Variants in LIPC observed in about 807,000 individuals in gnomAD.
LIPC encodes lipase C, hepatic type.
LIPC carries 44 observed loss-of-function variants against 50.7 expected under a neutral mutation model. That is an observed-to-expected ratio of 0.87 (90% CI 0.68 to 1.11). The LOEUF is 1.11. Among genes scored for constraint, LIPC ranks in the 50% most tolerant of loss-of-function variants. LIPC has a pLI of 0.00. For synonymous variants in LIPC, 271 were observed against 256.4 expected (o/e 1.06, Z -0.54); for missense variants, 697 against 648.2 (o/e 1.08, Z -0.82).
chr15:58,538,146 C>G (rs1476563883), intron 1 of LIPC, among the ~76,000 whole-genome samples, 187 bp from the exon 2 acceptor site: 1 of 152,164 alleles, frequency 6.6e-6, no homozygotes, highest in African/African-American at 2.4e-5. Flanking sequence ...CCTAGGCCAC[C>G]CTCCATCACT....
intron 1 of LIPC, among the ~76,000 whole-genome samples, chr15:58,453,611 G>T (rs866081001): frequency 6.6e-6 from 1 of 152,030 alleles, no homozygotes; most frequent in African/African-American, 2.4e-5. Flanking sequence ...ACAGAGTGTG[G>T]GTTCCGTACA....
chr15:58,458,330 T>C (rs1894211578), intron 1 of LIPC, among the ~76,000 whole-genome samples: 1 of 152,224 alleles, frequency 6.6e-6, no homozygotes, highest in South Asian at 2.1e-4. Context: ...CGGCTTATGC[T>C]ATTGTTAGAC....
Position 58,568,698 on chromosome 15 carries a change from T to C in LIPC, c.1389-18T>C. ...ACCTAAAACTTAATGCTGTGTTTGC[T>C]TCCTGTTTTCTATTCAGAATGACAT... On this transcript the variant is annotated intron_variant, in intron 8 of 8. Coordinates refer to ENST00000299022, the MANE Select transcript of LIPC (RefSeq NM_000236.3). The C allele has an allele frequency of 7.0e-7, 1 of 1,423,238 alleles. No homozygotes were observed. The highest frequency in any genetic ancestry group is 9.9e-7 in the Non-Finnish European group (1 of 1,008,708). The allele number at this position is 1,423,238 out of a possible 1,614,324, so 88.2% of individuals were successfully genotyped here. A position where few individuals can be genotyped will look rare whatever the true frequency, so the allele number is the denominator to read the frequency against.
At chr15:58,547,432 G>T (rs368297975) in intron 5 of LIPC, among the ~76,000 whole-genome samples, 1 of 152,148 alleles carries the variant, frequency 6.6e-6, no homozygotes, top group Non-Finnish European at 1.5e-5. Context: ...CTCCTAGTAG[G>T]TGCCCAAGGA....
intron 1 of LIPC, among the ~76,000 whole-genome samples, chr15:58,511,740 G>A (rs1263946033): frequency 3.3e-5 from 5 of 152,224 alleles, no homozygotes; most frequent in Admixed American, 3.3e-4. Flanking sequence ...AAAGGTCTAT[G>A]AATAAGATTG....
chr15:58,436,980 AC>A (rs1405646560), intron 1 of LIPC: 3 of 412,166 alleles, frequency 7.3e-6, no homozygotes, highest in Middle Eastern at 3.8e-4. Flanking sequence ...ACTGCAACAA[AC>A]TGGAAACAAT....
At chr15:58,497,259 A>G (rs1891806039) in intron 1 of LIPC, among the ~76,000 whole-genome samples, 1 of 152,170 alleles carries the variant, frequency 6.6e-6, no homozygotes, top group African/African-American at 2.4e-5. Flanking sequence ...CCCCCGTCAG[A>G]GCAAGCTGGC....
At chr15:58,494,908 T>G (rs1891714960) in intron 1 of LIPC, 1 of 455,850 alleles carries the variant, frequency 2.2e-6, no homozygotes, top group Non-Finnish European at 4.4e-6. Context: ...AATACAAAAT[T>G]AAATATTAGT....
intron 1 of LIPC, among the ~76,000 whole-genome samples, chr15:58,498,979 C>A (rs1028346923): frequency 6.6e-6 from 1 of 152,228 alleles, no homozygotes; most frequent in East Asian, 1.9e-4. Context: ...ATTAAACCAT[C>A]TCCCAAGGAG....
rs138229392 is a variant in LIPC, at chr15:58,542,344, C to T, written c.457-190C>T. Among the ~76,000 whole-genome samples, 63 of 152,268 alleles carry T rather than the reference C, an allele frequency of 4.1e-4. No individual in the cohort carries two copies. In the East Asian group the frequency reaches 6.4e-3, roughly 15 times the overall value. The stretch of plus-strand genomic sequence containing the variant: ...CAGGCAGGAGGCTGCAGCTACAAGG[C>T]GAGGTCACAGGTACCTGAGTCCCAG... On this transcript the variant is annotated intron_variant, in intron 3 of 8. Coordinates refer to ENST00000299022, the MANE Select transcript of LIPC (RefSeq NM_000236.3).
intron 7 of LIPC, among the ~76,000 whole-genome samples, chr15:58,563,172 G>A (rs144831345): frequency 2.7e-3 from 413 of 152,280 alleles, no homozygotes; most frequent in Non-Finnish European, 4.4e-3. Flanking sequence ...TCCAGACGCC[G>A]TTGCCAAAGC....
intron 1 of LIPC, among the ~76,000 whole-genome samples, chr15:58,471,403 C>T (rs2140743286): frequency 1.3e-5 from 2 of 151,510 alleles, no homozygotes; most frequent in Middle Eastern, 6.9e-3. Flanking sequence ...CAGCCTTGGC[C>T]TCCCAAAGTG....
chr15:58,493,885 A>G (rs1312698792), intron 1 of LIPC, among the ~76,000 whole-genome samples: 3 of 152,144 alleles, frequency 2.0e-5, no homozygotes, highest in African/African-American at 7.2e-5. Context: ...GAAGATGGCA[A>G]TGGGTACTGA....
Position 58,510,313 on chromosome 15 carries a change from A to G in LIPC, c.89-28020A>G, listed in dbSNP as rs189837734. Among the ~76,000 whole-genome samples, 284 of 152,378 alleles carry G rather than the reference A, an allele frequency of 1.9e-3. 2 individuals are homozygous for G. Among genetic ancestry groups the G allele is most frequent in the Admixed American group, 4.0e-3 (61 of 15,306 alleles). ...TGTGACATTGATAAAAAGGGCTCTTAACTGCCATCGCTTCAGTTGACTTGC... is the reference window on the plus strand; with the variant it reads ...TGTGACATTGATAAAAAGGGCTCTTGACTGCCATCGCTTCAGTTGACTTGC... On this transcript the variant is annotated intron_variant, in intron 1 of 8. Coordinates refer to ENST00000299022, the MANE Select transcript of LIPC (RefSeq NM_000236.3).
intron 1 of LIPC, among the ~76,000 whole-genome samples, chr15:58,467,691 C>T (rs1287740217): frequency 6.6e-6 from 1 of 152,114 alleles, no homozygotes; most frequent in East Asian, 1.9e-4. Context: ...TAAATGAGTC[C>T]TTGATGTTCT....
At chr15:58,506,268 G>A (rs1402977260) in intron 1 of LIPC, among the ~76,000 whole-genome samples, 1 of 152,092 alleles carries the variant, frequency 6.6e-6, no homozygotes, top group Non-Finnish European at 1.5e-5. Flanking sequence ...GTGTTGTTTT[G>A]CTCCTTCCAT....
chr15:58,483,119 G>A (rs1321275384), intron 1 of LIPC, among the ~76,000 whole-genome samples: 1 of 152,090 alleles, frequency 6.6e-6, no homozygotes, highest in Non-Finnish European at 1.5e-5. Flanking sequence ...AATTCTTCAA[G>A]GTAACAAATT....
intron 1 of LIPC, among the ~76,000 whole-genome samples, chr15:58,519,410 CA>C (rs11432168): frequency 1.7e-4 from 22 of 131,834 alleles, no homozygotes; most frequent in Admixed American, 2.2e-4. Flanking sequence ...GACTCTGTCT[CA>C]AAAAAAAAAA....
intron 1 of LIPC, among the ~76,000 whole-genome samples, chr15:58,437,352 C>T (rs1444403261): frequency 6.6e-6 from 1 of 150,880 alleles, no homozygotes; most frequent in Non-Finnish European, 1.5e-5. Context: ...CTTTGTAAAA[C>T]AAGTATAAGA....
Sources: allele counts gnomAD v4.1 joint callset (sites outside exome capture counted in the v4.1 genomes callset), GRCh38; gene constraint gnomAD v4.1.1; transcripts MANE v1.5; gene names NCBI Gene and HGNC (gene_info 2026-07-23, HGNC 2026-07-21).